Variants in CALN1 observed in about 807,000 individuals in gnomAD.
CALN1 encodes the protein calneuron 1.
CALN1 carries 17 observed loss-of-function variants against 30.6 expected under a neutral mutation model. That is an observed-to-expected ratio of 0.56 (90% confidence interval 0.38 to 0.83). The LOEUF (loss-of-function observed/expected upper bound fraction) is 0.83. Ranked by LOEUF, CALN1 falls within the 40% of genes least tolerant of loss-of-function variation. The pLI is 0.00. For missense variants in CALN1, 291 were observed against 354.9 expected, an observed-to-expected ratio of 0.82 and a Z score of 1.45; for synonymous variants, 156 against 131.4, an observed-to-expected ratio of 1.19 and a Z score of -1.28.
At chr7:72,212,164 A>AAC (rs1391646612) in intron 3 of CALN1, among the ~76,000 whole-genome samples, 8 of 152,172 alleles carry the variant, frequency 5.3e-5, no homozygotes, top group Admixed American at 2.0e-4. Context: ...CATCCTGGCT[A>AAC]ACAGTGAAAC....
At chr7:72,106,415 C>G (rs1260862818) in intron 3 of CALN1, 121 bp from the exon 4 acceptor site, 4 of 1,173,396 alleles carry the variant, frequency 3.4e-6, no homozygotes, top group South Asian at 1.6e-5. Flanking sequence ...TGTTAAAACT[C>G]TTTAATCAGA....
At chr7:71,893,871 A>G (rs1793391954) in intron 5 of CALN1, among the ~76,000 whole-genome samples, 1 of 151,998 alleles carries the variant, frequency 6.6e-6, no homozygotes, top group African/African-American at 2.4e-5. Flanking sequence ...AAGGCTAAGG[A>G]AATAATATTG....
intron 2 of CALN1, among the ~76,000 whole-genome samples, chr7:72,302,920 A>AAAAAGG: frequency 6.7e-6 from 1 of 148,646 alleles, no homozygotes. Flanking sequence ...AAAAAAAACG[A>AAAAAGG]AAAGAATCCG....
intron 6 of CALN1, among the ~76,000 whole-genome samples, chr7:71,807,329 T>C (rs1562796556): frequency 6.6e-6 from 1 of 152,166 alleles, no homozygotes; most frequent in Non-Finnish European, 1.5e-5. Flanking sequence ...AGGAACTCAG[T>C]ATTCTCTTCC....
chr7:72,235,379 C>T (rs56215549), intron 3 of CALN1, among the ~76,000 whole-genome samples: 14 of 152,246 alleles, frequency 9.2e-5, no homozygotes, highest in African/African-American at 2.9e-4. Flanking sequence ...CCTTTAAATA[C>T]TGCATTAGTA....
rs1005254909 is a variant in CALN1, at chr7:71,787,829, G to A, written c.732C>T (p.Ile244=). Residue 244 remains isoleucine, a synonymous_variant, in exon 7 of 7, where the codon ATC becomes ATT. Coordinates refer to ENST00000395275, the MANE Select transcript of CALN1 (RefSeq NM_031468.4). ...SLICAFAMAF[I]ISVMLIAANQ... ...TGGCTGCAATCAGCATGACACTGAT[G>A]ATGAAGGCCATAGCAAAGGCGCATA... 1 of 1,614,164 alleles carries A rather than the reference G, an allele frequency of 6.2e-7. No individual in the cohort carries two copies. The highest frequency in any genetic ancestry group is 1.1e-5 in the South Asian group (1 of 91,082).
At chr7:71,935,037 T>A (rs1200045802) in intron 5 of CALN1, among the ~76,000 whole-genome samples, 2 of 152,170 alleles carry the variant, frequency 1.3e-5, no homozygotes, top group Admixed American at 1.3e-4. Flanking sequence ...TAATTCAAGA[T>A]GAGATTTGGG....
At chr7:71,898,188 G>T (rs764577297) in intron 5 of CALN1, among the ~76,000 whole-genome samples, 12 of 151,876 alleles carry the variant, frequency 7.9e-5, no homozygotes, top group Non-Finnish European at 1.8e-4. Context: ...AAATTAGCTG[G>T]GCATGGTGGC....
chr7:72,009,794 A>C (rs1443935839), intron 5 of CALN1, among the ~76,000 whole-genome samples: 1 of 152,182 alleles, frequency 6.6e-6, no homozygotes, highest in East Asian at 1.9e-4. Flanking sequence ...CCACCATGTA[A>C]GACATGCCTT....
rs778386645 is a variant in CALN1, at chr7:72,412,309, A to G, written c.-325T>C. On this transcript the variant is annotated 5_prime_UTR_variant, in exon 1 of 7. Coordinates refer to ENST00000395275, the MANE Select transcript of CALN1 (RefSeq NM_031468.4). Reference sequence around the variant, plus strand: ...AGAAGCAGGAAAGAAAAAAACACAAACTCAAGCGGATAGCACCCCAGCGAG... The same window carrying G: ...AGAAGCAGGAAAGAAAAAAACACAAGCTCAAGCGGATAGCACCCCAGCGAG... The G allele has an allele frequency of 6.6e-6, 1 of 151,308 alleles. No homozygotes were observed. Among genetic ancestry groups the G allele is most frequent in the Non-Finnish European group, 1.5e-5 (1 of 67,848 alleles). The allele number at this position is 151,308 out of a possible 1,614,324, so 9.4% of individuals were successfully genotyped here.
At chr7:71,920,299 T>C (rs921130731) in intron 5 of CALN1, among the ~76,000 whole-genome samples, 2 of 151,886 alleles carry the variant, frequency 1.3e-5, no homozygotes, top group Non-Finnish European at 2.9e-5. Flanking sequence ...CTGCATCACT[T>C]AGTTACTGTT....
At chr7:71,946,589 T>C (rs1209659623) in intron 5 of CALN1, among the ~76,000 whole-genome samples, 1 of 152,130 alleles carries the variant, frequency 6.6e-6, no homozygotes, top group African/African-American at 2.4e-5. Flanking sequence ...CTTGAACTCC[T>C]GGGCTCAAGC....
intron 5 of CALN1, among the ~76,000 whole-genome samples, chr7:71,991,335 T>C (rs1348383951): frequency 6.6e-6 from 1 of 151,970 alleles, no homozygotes; most frequent in Non-Finnish European, 1.5e-5. Flanking sequence ...GGTGGGTGCC[T>C]GTAATCCCAG....
chr7:72,151,728 T>TA (rs1787265367), intron 3 of CALN1, among the ~76,000 whole-genome samples: 2 of 151,950 alleles, frequency 1.3e-5, no homozygotes, highest in African/African-American at 2.4e-5. Flanking sequence ...TTGTTGTTGT[T>TA]AGAGACAGGG....
Position 72,403,399 on chromosome 7 carries a change from A to C in CALN1, c.-30T>G, listed in dbSNP as rs768223117. 32 of 1,512,446 alleles carry C rather than the reference A, an allele frequency of 2.1e-5. No individual in the cohort carries two copies. The South Asian group carries it at 3.9e-4, about 18-fold the overall frequency. The allele number at this position is 1,512,446 out of a possible 1,614,324, so 93.7% of individuals were successfully genotyped here. A position where few individuals can be genotyped will look rare whatever the true frequency, so the allele number is the denominator to read the frequency against. ...GGTCCAGGGCGATGTTCTCAGAGAG[A>C]GTTAGAAGCTCATCAAAGGAACGTC... On this transcript the variant is annotated 5_prime_UTR_variant, in exon 2 of 7. Transcript: ENST00000395275.
At chr7:71,857,742 C>A (rs925737443) in intron 5 of CALN1, among the ~76,000 whole-genome samples, 10 of 152,146 alleles carry the variant, frequency 6.6e-5, no homozygotes, top group African/African-American at 1.9e-4. Flanking sequence ...CAATTTATTC[C>A]TTCCATGGGA....
At chr7:72,205,575 T>TATATATAC in intron 3 of CALN1, among the ~76,000 whole-genome samples, 1 of 119,612 alleles carries the variant, frequency 8.4e-6, no homozygotes, top group African/African-American at 4.2e-5. Flanking sequence ...TATGTATATA[T>TATATATAC]ATATATATAT....
intron 3 of CALN1, among the ~76,000 whole-genome samples, chr7:72,262,658 T>A (rs929842292): frequency 6.6e-6 from 1 of 152,236 alleles, no homozygotes; most frequent in African/African-American, 2.4e-5. Context: ...TCCAGCTGCA[T>A]CCATGCTGCT....
chr7:71,918,441 G>A (rs1392238570), intron 5 of CALN1, among the ~76,000 whole-genome samples: 1 of 152,182 alleles, frequency 6.6e-6, no homozygotes, highest in Non-Finnish European at 1.5e-5. Context: ...TGTAAAATGG[G>A]AACAATAACT....
Sources: gnomAD v4.1 joint callset for allele counts (sites outside exome capture counted in the v4.1 genomes callset) on GRCh38, gnomAD v4.1.1 for gene constraint, MANE v1.5 for transcripts, NCBI Gene and HGNC (gene_info 2026-07-23, HGNC 2026-07-21) for gene names.